Variants in ATG7 observed in about 807,000 individuals in gnomAD.
ATG7 encodes autophagy related 7.
A neutral mutation model predicts 82.4 loss-of-function variants in ATG7; 70 were observed. The ratio of observed to expected loss-of-function variants is 0.85; its 90% CI spans 0.70 to 1.04. The LOEUF (loss-of-function observed/expected upper bound fraction) is 1.04. ATG7 is among the 50% of genes least tolerant of loss of function. The pLI is 0.00. For synonymous variants in ATG7, 287 were observed against 313.0 expected, an observed-to-expected ratio of 0.92 and a Z score of 0.88; for missense variants, 792 against 864.3, an observed-to-expected ratio of 0.92 and a Z score of 1.05.
chr3:11,306,597 A>T (rs1947782586), intron 5 of ATG7, among the ~76,000 whole-genome samples: 1 of 152,180 alleles, frequency 6.6e-6, no homozygotes, highest in Non-Finnish European at 1.5e-5. Flanking sequence ...GGGGGAAAAG[A>T]GCTGTTATGA....
intron 20 of ATG7, among the ~76,000 whole-genome samples, chr3:11,435,884 AAGAG>A (rs967501450): frequency 6.6e-6 from 1 of 152,186 alleles, no homozygotes; most frequent in Non-Finnish European, 1.5e-5. Flanking sequence ...GCCACAGTAT[AAGAG>A]AGAACAGCAT....
chr3:11,470,317 C>G (rs2087348786), intron 20 of ATG7, among the ~76,000 whole-genome samples: 2 of 152,168 alleles, frequency 1.3e-5, no homozygotes, highest in Non-Finnish European at 2.9e-5. Flanking sequence ...CATACTTAGG[C>G]TATATGGTCC....
intron 18 of ATG7, among the ~76,000 whole-genome samples, chr3:11,376,977 C>G (rs983492461): frequency 6.6e-6 from 1 of 152,106 alleles, no homozygotes; most frequent in African/African-American, 2.4e-5. Context: ...CTGACCTCAT[C>G]ATCCGCCCTC....
chr3:11,382,655 TGTG>T (rs1186386194), intron 19 of ATG7, among the ~76,000 whole-genome samples: 2 of 152,380 alleles, frequency 1.3e-5, no homozygotes, highest in Middle Eastern at 3.4e-3. Context: ...ACTAGAGTAT[TGTG>T]GTGTTACTAC....
chr3:11,561,134 C>A (rs11344852), downstream of ATG7, among the ~76,000 whole-genome samples: 1 of 151,718 alleles, frequency 6.6e-6, no homozygotes, highest in South Asian at 2.1e-4. Context: ...GACCCCCCCC[C>A]AGGGTCCTCC....
chr3:11,530,053 T>C (rs2092664842), intron 20 of ATG7, among the ~76,000 whole-genome samples: 1 of 152,164 alleles, frequency 6.6e-6, no homozygotes, highest in South Asian at 2.1e-4. Flanking sequence ...GAGGTGTCGT[T>C]GGCTTTTTTG....
chr3:11,564,853 C>G, the ATG7 span: 1 of 1,606,670 alleles, frequency 6.2e-7, no homozygotes, highest in Non-Finnish European at 8.5e-7. Flanking sequence ...CTGCTGGCGT[C>G]CAGGCTGTTC....
chr3:11,494,791 A>G (rs966762763), intron 20 of ATG7, among the ~76,000 whole-genome samples: 5 of 152,172 alleles, frequency 3.3e-5, no homozygotes, highest in African/African-American at 1.2e-4. Flanking sequence ...AGGCTTGAAC[A>G]GGCCAGGCAT....
chr3:11,516,034 A>ATT (rs1207237915), intron 20 of ATG7, among the ~76,000 whole-genome samples: 6 of 151,084 alleles, frequency 4.0e-5, no homozygotes, highest in Middle Eastern at 3.4e-3. Flanking sequence ...TCCTTTTTAA[A>ATT]AAAAAAAAAA....
intron 20 of ATG7, among the ~76,000 whole-genome samples, chr3:11,472,230 C>G (rs756931111): frequency 1.3e-4 from 20 of 152,160 alleles, no homozygotes; most frequent in Admixed American, 2.0e-4. Flanking sequence ...AGCAAACTTT[C>G]CATCTCCCCC....
intron 18 of ATG7, among the ~76,000 whole-genome samples, chr3:11,371,698 G>A (rs1172940029): frequency 6.6e-6 from 1 of 151,170 alleles, no homozygotes; most frequent in East Asian, 1.9e-4. Flanking sequence ...CACTGCTTCT[G>A]TCCATGAAAA....
intron 7 of ATG7, among the ~76,000 whole-genome samples, chr3:11,311,208 A>C (rs1948609655): frequency 6.6e-6 from 1 of 152,176 alleles, no homozygotes; most frequent in South Asian, 2.1e-4. Flanking sequence ...GACACCAAGG[A>C]CTTTATGTTT....
chr3:11,302,537 A>G (rs1483224881), intron 5 of ATG7, among the ~76,000 whole-genome samples: 1 of 152,242 alleles, frequency 6.6e-6, no homozygotes, highest in African/African-American at 2.4e-5. Context: ...CTTATGAAAT[A>G]TGTTCTCCAG....
At chr3:11,559,451 C>T, downstream of ATG7, 1 of 1,559,924 alleles carries the variant, frequency 6.4e-7, no homozygotes, top group Non-Finnish European at 8.7e-7. Flanking sequence ...CACGGAGGGC[C>T]GGTTCTGCGG....
At chr3:11,554,709 T>G in intron 20 of ATG7, 102 bp from the exon 21 acceptor site, 10 of 1,396,730 alleles carry the variant, frequency 7.2e-6, no homozygotes, top group Non-Finnish European at 9.9e-6. Context: ...GGAGTGGTTC[T>G]GCAGGTGGGA....
intron 20 of ATG7, among the ~76,000 whole-genome samples, chr3:11,446,118 C>T (rs2084526379): frequency 6.6e-6 from 1 of 151,364 alleles, no homozygotes; most frequent in South Asian, 2.1e-4. Flanking sequence ...CTCTGGCCCT[C>T]AGCATCCTCA....
At chr3:11,302,076 C>T (rs946939449) in intron 5 of ATG7, among the ~76,000 whole-genome samples, 1 of 152,180 alleles carries the variant, frequency 6.6e-6, no homozygotes. Context: ...CCGTTGAATA[C>T]CCTCAGTGTG....
At chr3:11,335,696 CA>C (rs1952340708) in intron 11 of ATG7, among the ~76,000 whole-genome samples, 1 of 152,100 alleles carries the variant, frequency 6.6e-6, no homozygotes, top group Non-Finnish European at 1.5e-5. Flanking sequence ...ATGATGCTGA[CA>C]TTTTTTTTGC....
intron 20 of ATG7, among the ~76,000 whole-genome samples, chr3:11,436,511 C>G (rs1374089883): frequency 1.3e-5 from 2 of 152,084 alleles, no homozygotes; most frequent in East Asian, 3.9e-4. Flanking sequence ...ATAGGGTAGC[C>G]CTGTTCCACA....
Sources: gnomAD v4.1 joint callset for allele counts (sites outside exome capture counted in the v4.1 genomes callset) on GRCh38, gnomAD v4.1.1 for gene constraint, MANE v1.5 for transcripts, NCBI Gene and HGNC (gene_info 2026-07-23, HGNC 2026-07-21) for gene names.